ZNF407: variants seen among roughly 807,000 people sequenced by gnomAD.
The protein encoded by ZNF407 is zinc finger protein 407.
ZNF407 carries 17 observed loss-of-function variants against 131.2 expected under a neutral mutation model. The observed-to-expected ratio is 0.13, with a 90% CI of 0.09 to 0.19. The LOEUF (loss-of-function observed/expected upper bound fraction) is 0.19, where lower values mean the gene tolerates loss of function less well. Ranked by LOEUF, ZNF407 falls within the 10% of genes least tolerant of loss-of-function variation. The pLI, the probability that ZNF407 is intolerant of heterozygous loss-of-function variation, is 1.00. For synonymous variants in ZNF407, 1,156 were observed against 1,062.0 expected (o/e 1.09, Z -1.72); for missense variants, 2,681 against 2,830.6 (o/e 0.95, Z 1.20).
chr18:74,674,895 A>G (rs1417712580), intron 3 of ZNF407, among the ~76,000 whole-genome samples: 1 of 152,186 alleles, frequency 6.6e-6, no homozygotes, highest in Non-Finnish European at 1.5e-5. Flanking sequence ...CATGGCTTTA[A>G]AAAGTGTCTC....
intron 3 of ZNF407, among the ~76,000 whole-genome samples, chr18:74,771,326 G>A (rs184605387): frequency 1.6e-4 from 24 of 152,046 alleles, no homozygotes; most frequent in Admixed American, 3.9e-4. Flanking sequence ...TTCCCCCTTT[G>A]TTTGTAAGGT....
chr18:74,615,489 G>A (rs1983246180), intron 1 of ZNF407, among the ~76,000 whole-genome samples: 2 of 152,228 alleles, frequency 1.3e-5, no homozygotes, highest in African/African-American at 4.8e-5. Flanking sequence ...TGGCGACAGA[G>A]TGAGACTCCG....
Position 74,624,407 on chromosome 18 carries a change from A to C in ZNF407, c.-53-6560A>C, listed in dbSNP as rs1014705128. Among the ~76,000 whole-genome samples, 3 of 152,198 alleles carry C rather than the reference A, an allele frequency of 2.0e-5. No individual in the cohort carries two copies. In the East Asian group the frequency reaches 5.8e-4, roughly 29 times the overall value. On this transcript the variant is annotated intron_variant, in intron 1 of 8. Coordinates refer to ENST00000299687, the MANE Select transcript of ZNF407 (RefSeq NM_017757.3). ...CTTTTACATCAGCATAAACTTTCTC[A>C]CCTGCTGAATCCCTTCTAGATGGCT...
chr18:75,052,462 G>A lies in ZNF407; in HGVS notation c.5429-10688G>A, dbSNP rs544860707. Among the ~76,000 whole-genome samples the A allele has an allele frequency of 2.0e-3, 306 of 152,202 alleles. 6 individuals are homozygous for A. Among genetic ancestry groups the A allele is most frequent in the African/African-American group, 6.7e-3 (280 of 41,558 alleles). ...AAGGAGCTCAGGGAGCCCGTCTTCC[G>A]GTCCTCCCATGTCCCTTGAAGATCC... On this transcript the variant is annotated intron_variant, in intron 8 of 8. Coordinates refer to ENST00000299687, the MANE Select transcript of ZNF407 (RefSeq NM_017757.3).
At chr18:74,607,928 AAT>A (rs909931378) in intron 1 of ZNF407, among the ~76,000 whole-genome samples, 1 of 152,160 alleles carries the variant, frequency 6.6e-6, no homozygotes, top group Non-Finnish European at 1.5e-5. Context: ...GAACAATTGT[AAT>A]TTATTTATTC....
At chr18:75,060,606 C>T (rs1427336674) in intron 8 of ZNF407, among the ~76,000 whole-genome samples, 4 of 151,548 alleles carry the variant, frequency 2.6e-5, no homozygotes, top group African/African-American at 9.7e-5. Flanking sequence ...CCCGGGTTCC[C>T]GCCATTCTCC....
At chr18:74,901,802 C>T (rs575851701) in intron 7 of ZNF407, among the ~76,000 whole-genome samples, 1 of 152,174 alleles carries the variant, frequency 6.6e-6, no homozygotes, top group African/African-American at 2.4e-5. Context: ...ACTACACATG[C>T]ACACATATAT....
At chr18:75,032,661 A>G (rs923760168) in intron 8 of ZNF407, among the ~76,000 whole-genome samples, 4 of 152,184 alleles carry the variant, frequency 2.6e-5, no homozygotes, top group African/African-American at 9.7e-5. Context: ...ATGGGGGAAG[A>G]TAGTATTAGG....
intron 2 of ZNF407, among the ~76,000 whole-genome samples, chr18:74,640,388 T>C (rs1984656469): frequency 6.6e-6 from 1 of 152,112 alleles, no homozygotes; most frequent in Non-Finnish European, 1.5e-5. Context: ...GTTTGTTTAA[T>C]CATCATCGAT....
chr18:74,800,109 C>T (rs1322562599), intron 4 of ZNF407, among the ~76,000 whole-genome samples: 1 of 151,940 alleles, frequency 6.6e-6, no homozygotes, highest in African/African-American at 2.4e-5. Context: ...TATACACACA[C>T]AGTGAGTCTT....
At chr18:74,641,172 G>A (rs963660303) in intron 3 of ZNF407, 50 bp downstream of exon 3, 26 of 1,447,332 alleles carry the variant, frequency 1.8e-5, no homozygotes, top group Admixed American at 5.1e-5. Flanking sequence ...AGCATGTGCA[G>A]GATAGCCATT....
At chr18:74,884,870 G>T (rs1482417882) in intron 6 of ZNF407, among the ~76,000 whole-genome samples, 2 of 152,002 alleles carry the variant, frequency 1.3e-5, no homozygotes, top group African/African-American at 4.8e-5. Context: ...ATTGACTTAG[G>T]CAGTGGAGTT....
At chr18:75,030,544 A>C (rs1973227297) in intron 8 of ZNF407, among the ~76,000 whole-genome samples, 1 of 152,230 alleles carries the variant, frequency 6.6e-6, no homozygotes, top group Non-Finnish European at 1.5e-5. Flanking sequence ...GAAATGCTTT[A>C]GAAGTATATT....
intron 4 of ZNF407, among the ~76,000 whole-genome samples, chr18:74,791,224 T>C (rs1969819871): frequency 6.6e-6 from 1 of 152,220 alleles, no homozygotes; most frequent in African/African-American, 2.4e-5. Flanking sequence ...TTTTAAGATA[T>C]TGCTACCTCC....
rs963233329 is a variant in ZNF407 at position 74,957,113 on chromosome 18, C to A, written c.5428+36421C>A. Among the ~76,000 whole-genome samples the A allele has an allele frequency of 3.3e-5, 5 of 152,158 alleles. No homozygotes were observed. The East Asian group carries it at 9.6e-4, about 29-fold the overall frequency. On this transcript the variant is annotated intron_variant, in intron 8 of 8. Coordinates refer to ENST00000299687, the MANE Select transcript of ZNF407 (RefSeq NM_017757.3). ...TGACTCTGATAGCCTGGGCCATAAC[C>A]TGCAGCTTTAGGCCCCACCCAGTGG...
chr18:74,966,665 A>G (rs2145298391), intron 8 of ZNF407, among the ~76,000 whole-genome samples: 1 of 152,276 alleles, frequency 6.6e-6, no homozygotes, highest in Middle Eastern at 3.4e-3. Context: ...CTGATTTCAT[A>G]TAAATTTTAG....
chr18:74,601,718 C>G (rs1321205571), intron 1 of ZNF407, among the ~76,000 whole-genome samples: 1 of 152,096 alleles, frequency 6.6e-6, no homozygotes, highest in African/African-American at 2.4e-5. Flanking sequence ...AACTCACTCA[C>G]CATCTCAGGA....
At chr18:74,979,616 T>G (rs1972566082) in intron 8 of ZNF407, among the ~76,000 whole-genome samples, 2 of 152,146 alleles carry the variant, frequency 1.3e-5, no homozygotes, top group Non-Finnish European at 2.9e-5. Flanking sequence ...TAATGTATGA[T>G]GAATTCATAT....
chr18:74,954,354 A>AT (rs1024343995), intron 8 of ZNF407, among the ~76,000 whole-genome samples: 218 of 152,334 alleles, frequency 1.4e-3, no homozygotes, highest in African/African-American at 5.2e-3. Context: ...TCTTTAATCT[A>AT]TATCATAAAT....
Sources: allele counts gnomAD v4.1 joint callset (sites outside exome capture counted in the v4.1 genomes callset), GRCh38; gene constraint gnomAD v4.1.1; transcripts MANE v1.5; gene names NCBI Gene and HGNC (gene_info 2026-07-23, HGNC 2026-07-21).